FSTL4: variants seen among roughly 807,000 people sequenced by gnomAD.
The protein encoded by FSTL4 is follistatin like 4, also known as follistatin-related protein 4.
FSTL4 carries 28 observed loss-of-function variants against 78.2 expected under a neutral mutation model. The observed-to-expected ratio is 0.36, with a 90% CI of 0.27 to 0.49. The LOEUF is 0.49. FSTL4 is among the 20% of genes least tolerant of loss of function. The pLI, the probability that FSTL4 is intolerant of heterozygous loss-of-function variation, is 0.98. For synonymous variants in FSTL4, 422 were observed against 440.5 expected (o/e 0.96, Z 0.53); for missense variants, 922 against 1,084.9 (o/e 0.85, Z 2.11).
chr5:133,794,841 G>C, the FSTL4 span, among the ~76,000 whole-genome samples: 64,263 of 151,724 alleles, frequency 0.42, 14,662 homozygotes, highest in African/African-American at 0.59. Context: ...GGCAGAAGAC[G>C]GGGGGAAGAT....
the FSTL4 span, among the ~76,000 whole-genome samples, chr5:133,689,492 G>A: frequency 6.6e-6 from 1 of 152,224 alleles, no homozygotes. Context: ...AGGTACAGTA[G>A]TGGGTATATG....
chr5:133,569,301 G>T (rs1760099531), intron 2 of FSTL4, among the ~76,000 whole-genome samples: 1 of 152,128 alleles, frequency 6.6e-6, no homozygotes, highest in South Asian at 2.1e-4. Flanking sequence ...CCCATGTTAG[G>T]CGTTGTGTTC....
At chr5:133,682,604 A>T in the FSTL4 span, among the ~76,000 whole-genome samples, 1 of 152,216 alleles carries the variant, frequency 6.6e-6, no homozygotes. Context: ...AGCTTCTGAG[A>T]ACAACCCAAT....
At chr5:133,823,753 T>C in the FSTL4 span, among the ~76,000 whole-genome samples, 1 of 152,180 alleles carries the variant, frequency 6.6e-6, no homozygotes, top group African/African-American at 2.4e-5. Context: ...TTGGGTGGCT[T>C]TCTGACCAAG....
chr5:133,442,174 C>A (rs1462361882), intron 3 of FSTL4, among the ~76,000 whole-genome samples: 1 of 152,216 alleles, frequency 6.6e-6, no homozygotes, highest in Non-Finnish European at 1.5e-5. Flanking sequence ...CTTCCAATGG[C>A]TAATTGGCTA....
chr5:133,616,800 G>A (rs973404172), upstream of FSTL4, among the ~76,000 whole-genome samples: 1 of 152,170 alleles, frequency 6.6e-6, no homozygotes, highest in South Asian at 2.1e-4. Context: ...CCAACCTTCA[G>A]GGGTATAAGA....
chr5:133,609,201 C>A (rs899599389), intron 1 of FSTL4, among the ~76,000 whole-genome samples: 1 of 152,146 alleles, frequency 6.6e-6, no homozygotes, highest in Non-Finnish European at 1.5e-5. Flanking sequence ...GCCACCCAGC[C>A]TTGAAGAGAA....
intron 12 of FSTL4, 64 bp from the exon 13 acceptor site, chr5:133,217,442 ACT>A: frequency 6.8e-7 from 1 of 1,473,182 alleles, no homozygotes; most frequent in Non-Finnish European, 9.3e-7. Flanking sequence ...ATCTCTAGGT[ACT>A]CTCTCCCCTG....
intron 6 of FSTL4, among the ~76,000 whole-genome samples, chr5:133,286,198 T>C (rs1032101124): frequency 6.6e-6 from 1 of 152,238 alleles, no homozygotes; most frequent in Non-Finnish European, 1.5e-5. Context: ...TGGGCAAATT[T>C]CTTAACCTCT....
chr5:133,745,485 T>C, the FSTL4 span, among the ~76,000 whole-genome samples: 2 of 152,210 alleles, frequency 1.3e-5, no homozygotes, highest in Non-Finnish European at 2.9e-5. Flanking sequence ...AGTGTATATA[T>C]AGATTAATGT....
chr5:133,730,691 C>G, the FSTL4 span, among the ~76,000 whole-genome samples: 3 of 152,194 alleles, frequency 2.0e-5, no homozygotes, highest in Non-Finnish European at 4.4e-5. Flanking sequence ...TGATGGCAAA[C>G]CAGCCATCGA....
intron 3 of FSTL4, among the ~76,000 whole-genome samples, chr5:133,517,320 G>A (rs2112893935): frequency 6.8e-6 from 1 of 146,024 alleles, no homozygotes; most frequent in Non-Finnish European, 1.5e-5. Context: ...CTACTCAGGA[G>A]GCTGAGGCAG....
the FSTL4 span, among the ~76,000 whole-genome samples, chr5:133,716,440 G>T: frequency 6.6e-6 from 1 of 151,780 alleles, no homozygotes; most frequent in Non-Finnish European, 1.5e-5. Context: ...TAACATGGCA[G>T]AAATAATGCT....
chr5:133,804,827 C>T, the FSTL4 span, among the ~76,000 whole-genome samples: 1 of 151,842 alleles, frequency 6.6e-6, no homozygotes, highest in Admixed American at 6.6e-5. Context: ...GCCTGTAGTC[C>T]CAGCTACTCG....
intron 3 of FSTL4, among the ~76,000 whole-genome samples, chr5:133,510,774 C>T (rs762489100): frequency 4.6e-5 from 7 of 152,086 alleles, no homozygotes; most frequent in Admixed American, 1.3e-4. Context: ...CGATCCTGTC[C>T]TCTGCCTCTA....
At chr5:133,625,121 T>C in the FSTL4 span, among the ~76,000 whole-genome samples, 1 of 151,826 alleles carries the variant, frequency 6.6e-6, no homozygotes, top group Non-Finnish European at 1.5e-5. Context: ...GGTATTAGGG[T>C]AATACTAGCT....
chr5:133,719,547 C>T, the FSTL4 span, among the ~76,000 whole-genome samples: 2 of 151,858 alleles, frequency 1.3e-5, no homozygotes, highest in African/African-American at 4.8e-5. Flanking sequence ...GTGGCACATG[C>T]CTGTAATCCC....
At chr5:133,210,825 T>C (rs975425701) in intron 13 of FSTL4, 1 of 152,136 alleles carries the variant, frequency 6.6e-6, no homozygotes, top group Admixed American at 6.6e-5. Context: ...TAATGTTCCT[T>C]ATTTTCCTGC....
chr5:133,641,125 A>C, the FSTL4 span, among the ~76,000 whole-genome samples: 2 of 152,224 alleles, frequency 1.3e-5, no homozygotes, highest in Non-Finnish European at 2.9e-5. Flanking sequence ...CATATGCAGC[A>C]GCCCTGCTGC....
Sources: allele counts gnomAD v4.1 joint callset (sites outside exome capture counted in the v4.1 genomes callset), GRCh38; gene constraint gnomAD v4.1.1; transcripts MANE v1.5; gene names NCBI Gene and HGNC (gene_info 2026-07-23, HGNC 2026-07-21).